MCC: variants seen among roughly 807,000 people sequenced by gnomAD.
The protein encoded by MCC is colorectal mutant cancer protein.
MCC carries 90 observed loss-of-function variants against 116.2 expected under a neutral mutation model. That is an observed-to-expected ratio of 0.77 (90% CI 0.65 to 0.92). MCC has a LOEUF of 0.92. MCC is among the 40% of genes least tolerant of loss of function. The probability of loss-of-function intolerance (pLI) is 0.00; values close to 1 mark genes in which losing one functional copy is unlikely to be tolerated. For synonymous variants in MCC, 578 were observed against 510.5 expected (o/e 1.13, Z -1.78); for missense variants, 1,516 against 1,312.2 (o/e 1.16, Z -2.40).
At chr5:113,109,094 C>T (rs897004996) in intron 6 of MCC, among the ~76,000 whole-genome samples, 7 of 152,226 alleles carry the variant, frequency 4.6e-5, no homozygotes, top group African/African-American at 1.2e-4. Context: ...AACTGTCTTT[C>T]AGAGTCTGTG....
At chr5:113,109,586 C>T (rs1025887088) in intron 6 of MCC, among the ~76,000 whole-genome samples, 2 of 152,106 alleles carry the variant, frequency 1.3e-5, no homozygotes, top group Admixed American at 1.3e-4. Context: ...GTCACACTAA[C>T]TCTGTGAATG....
Position 113,113,471 on chromosome 5 carries a change from C to G in MCC, c.1028-9116G>C, listed in dbSNP as rs1757215992. Among the ~76,000 whole-genome samples the G allele has an allele frequency of 2.0e-5, 3 of 152,048 alleles. No individual in the cohort carries two copies. The South Asian group carries it at 6.2e-4, about 32-fold the overall frequency. On this transcript the variant is annotated intron_variant, in intron 6 of 18. Coordinates refer to ENST00000408903, the MANE Select transcript of MCC (RefSeq NM_001085377.2). ...GGGAGGAAGGGAGAAAGAGTATCCA[C>G]AGAGGTTACCCCTTGCTTTGTGTCC...
intron 13 of MCC, among the ~76,000 whole-genome samples, chr5:113,065,078 T>C (rs947572215): frequency 2.6e-5 from 4 of 152,238 alleles, no homozygotes; most frequent in African/African-American, 4.8e-5. Flanking sequence ...AGAGAACTTT[T>C]GGGGCAGTGA....
chr5:113,478,310 C>G (rs971496253), intron 1 of MCC, among the ~76,000 whole-genome samples: 1 of 152,156 alleles, frequency 6.6e-6, no homozygotes, highest in South Asian at 2.1e-4. Flanking sequence ...AAGTAGGAGT[C>G]TGTTATAATA....
At chr5:113,356,033 T>C (rs1459460824) in intron 2 of MCC, among the ~76,000 whole-genome samples, 1 of 150,450 alleles carries the variant, frequency 6.6e-6, no homozygotes, top group Non-Finnish European at 1.5e-5. Flanking sequence ...ACAACAACTA[T>C]TGGGTCCTTT....
intron 3 of MCC, among the ~76,000 whole-genome samples, chr5:113,291,422 T>C (rs2150361191): frequency 6.6e-6 from 1 of 152,354 alleles, no homozygotes; most frequent in African/African-American, 2.4e-5. Context: ...AGTGTCAACA[T>C]TACTGTCAAA....
At chr5:113,485,606 A>G (rs1360937652) in intron 1 of MCC, among the ~76,000 whole-genome samples, 5 of 152,130 alleles carry the variant, frequency 3.3e-5, no homozygotes, top group Admixed American at 6.6e-5. Context: ...CAGGGCAATC[A>G]CCTTTGGACT....
chr5:113,423,582 A>G (rs532300315), intron 1 of MCC, among the ~76,000 whole-genome samples: 1 of 152,366 alleles, frequency 6.6e-6, no homozygotes, highest in South Asian at 2.1e-4. Flanking sequence ...ACTAAATTTC[A>G]AAAGTTACAA....
intron 11 of MCC, among the ~76,000 whole-genome samples, chr5:113,073,047 A>C (rs1580990348): frequency 6.6e-6 from 1 of 152,108 alleles, no homozygotes; most frequent in African/African-American, 2.4e-5. Flanking sequence ...ACAAATTTGT[A>C]AACTTTCTTG....
intron 3 of MCC, among the ~76,000 whole-genome samples, chr5:113,274,561 A>G (rs941284262): frequency 6.6e-6 from 1 of 152,080 alleles, no homozygotes; most frequent in Non-Finnish European, 1.5e-5. Context: ...GGGTTTCACC[A>G]TGTTGGCCAG....
Position 113,426,249 on chromosome 5 carries a change from T to C in MCC, c.171-41037A>G, listed in dbSNP as rs566236512. ...CCTGAGATAAGGATCACGCTCAGGT[T>C]GAGGCTGGCAGATGAGGGCCACAAG... On this transcript the variant is annotated intron_variant, in intron 1 of 18. Coordinates refer to ENST00000408903, the MANE Select transcript of MCC (RefSeq NM_001085377.2). Among the ~76,000 whole-genome samples, 259 of 152,190 alleles carry C rather than the reference T, an allele frequency of 1.7e-3. 1 individual carries two copies. The highest frequency in any genetic ancestry group is 5.6e-3 in the African/African-American group (234 of 41,512).
chr5:113,039,423 AG>A (rs2150212516), intron 17 of MCC, among the ~76,000 whole-genome samples: 1 of 152,256 alleles, frequency 6.6e-6, no homozygotes, highest in South Asian at 2.1e-4. Flanking sequence ...TGTGTGTTTA[AG>A]GAAGTCCGCC....
At chr5:113,425,332 T>C (rs1213199865) in intron 1 of MCC, among the ~76,000 whole-genome samples, 3 of 152,162 alleles carry the variant, frequency 2.0e-5, no homozygotes, top group Admixed American at 2.0e-4. Context: ...AATCAAGACA[T>C]TTCTCAAAAC....
intron 1 of MCC, among the ~76,000 whole-genome samples, chr5:113,487,787 G>A (rs1266469732): frequency 6.6e-6 from 1 of 152,218 alleles, no homozygotes; most frequent in Non-Finnish European, 1.5e-5. Flanking sequence ...CCTGTCCGAG[G>A]CTGTCGCTTA....
At chr5:113,407,037 A>G (rs1769855385) in intron 1 of MCC, among the ~76,000 whole-genome samples, 1 of 152,248 alleles carries the variant, frequency 6.6e-6, no homozygotes, top group Non-Finnish European at 1.5e-5. Flanking sequence ...ATCCTGGGCA[A>G]CATAAGAAGT....
intron 1 of MCC, 33 bp downstream of exon 1, chr5:113,488,212 C>G: frequency 1.3e-6 from 2 of 1,580,482 alleles, no homozygotes; most frequent in Non-Finnish European, 1.7e-6. Context: ...ACTGATCTCG[C>G]TCCTGTCGGT....
At chr5:113,223,602 C>G (rs1300652925) in intron 3 of MCC, among the ~76,000 whole-genome samples, 1 of 152,030 alleles carries the variant, frequency 6.6e-6, no homozygotes, top group Non-Finnish European at 1.5e-5. Flanking sequence ...AGAGAGGCTA[C>G]TTGAGAATTT....
Position 113,203,431 on chromosome 5 carries a change from C to T in MCC, c.628-52009G>A, listed in dbSNP as rs142808492. 1.1e-4 allele frequency: 17 copies of T among 150,836 alleles called. No homozygotes were observed. In the East Asian group the frequency reaches 2.5e-3, roughly 23 times the overall value. 9.3% of individuals were successfully genotyped at this position (150,836 alleles called of 1,614,324 possible). On this transcript the variant is annotated intron_variant, in intron 3 of 18. Transcript: ENST00000408903. ...TCGCACTGATGCCCATGTGACAGCA[C>T]GTTGTCTCCACCGAGACTAATCCCT...
intron 6 of MCC, among the ~76,000 whole-genome samples, chr5:113,105,160 T>G (rs1756656781): frequency 6.6e-6 from 1 of 152,240 alleles, no homozygotes; most frequent in Non-Finnish European, 1.5e-5. Flanking sequence ...GCCATGCCAT[T>G]CAATTATTGT....
Sources: allele counts gnomAD v4.1 joint callset (sites outside exome capture counted in the v4.1 genomes callset), GRCh38; gene constraint gnomAD v4.1.1; transcripts MANE v1.5; gene names NCBI Gene and HGNC (gene_info 2026-07-23, HGNC 2026-07-21).